Variants in SRSF4 observed in about 807,000 individuals in gnomAD.
SRSF4 encodes the protein serine and arginine rich splicing factor 4.
A neutral mutation model predicts 48.8 loss-of-function variants in SRSF4; 12 were observed. The observed-to-expected ratio is 0.25, with a 90% CI of 0.16 to 0.40. The LOEUF (loss-of-function observed/expected upper bound fraction) is 0.40. Among genes scored for constraint, SRSF4 ranks in the 10% least tolerant of loss-of-function variants. The pLI is 1.00. For synonymous variants in SRSF4, 248 were observed against 232.5 expected, an observed-to-expected ratio of 1.07 and a Z score of -0.61; for missense variants, 466 against 667.1, an observed-to-expected ratio of 0.70 and a Z score of 3.32.
At chr1:29,167,546 A>G (rs976106407) in intron 1 of SRSF4, among the ~76,000 whole-genome samples, 1 of 152,180 alleles carries the variant, frequency 6.6e-6, no homozygotes, top group Admixed American at 6.5e-5. Context: ...CACCACGCCC[A>G]GCTAATTTTT....
rs1439123139 is a variant in SRSF4, at chr1:29,150,177, G to A, written c.594C>T (p.Ser198=). 2 of 1,613,820 alleles carry A rather than the reference G, an allele frequency of 1.2e-6. No individual in the cohort carries two copies. The highest frequency in any genetic ancestry group is 1.7e-5 in the Admixed American group (1 of 59,984). The change falls in exon 5 of 6, where the codon AGC becomes AGT. Residue 198 remains serine, a synonymous_variant. Transcript: ENST00000373795. ...SRSHSRSRSR[S]RHSRKSRSRS... The stretch of plus-strand genomic sequence containing the variant: ...GGCTTCTGCTCTTACGGGAATGTCT[G>A]CTTCGAGAGCGAGACCTAGGGGGAG...
Position 29,149,238 on chromosome 1 carries a change from T to C in SRSF4, c.669-12A>G. 15 of 1,602,792 alleles carry C rather than the reference T, an allele frequency of 9.4e-6. No homozygotes were observed. The highest frequency in any genetic ancestry group is 1.3e-5 in the Non-Finnish European group (15 of 1,179,378). On this transcript the variant is annotated splice_polypyrimidine_tract_variant and intron_variant, in intron 5 of 5. Coordinates refer to ENST00000373795, the MANE Select transcript of SRSF4 (RefSeq NM_005626.5). The stretch of plus-strand genomic sequence containing the variant: ...AGCGGGAGCCCGACCTGAGGAGACA[T>C]GGGATACTGTTTGTGTCACATGTGA...
chr1:29,160,271 C>T, intron 2 of SRSF4, 104 bp downstream of exon 2: 2 of 1,289,856 alleles, frequency 1.6e-6, no homozygotes, highest in Non-Finnish European at 2.1e-6. Flanking sequence ...TACAAAATAG[C>T]TTAAACATCA....
rs1188865657 is a variant in SRSF4, at chr1:29,167,415, C to T, written c.108-6898G>A. On this transcript the variant is annotated intron_variant, in intron 1 of 5. Transcript: ENST00000373795. ...TTTTTGTTTTTTTGAGATGGAGTCT[C>T]GCTCTGTTGCCCAGGCTGGAGTGCA... Among the ~76,000 whole-genome samples the T allele has an allele frequency of 2.6e-5, 4 of 152,194 alleles. No individual in the cohort carries two copies. The South Asian group carries it at 6.2e-4, about 24-fold the overall frequency.
At chr1:29,181,499 GCCC>G in intron 1 of SRSF4, 144 bp downstream of exon 1, 1 of 616,774 alleles carries the variant, frequency 1.6e-6, no homozygotes, top group South Asian at 2.5e-5. Context: ...GCCTACCCGC[GCCC>G]CCGAGGCGCC....
intron 3 of SRSF4, among the ~76,000 whole-genome samples, chr1:29,157,737 G>C (rs1032474049): frequency 6.6e-6 from 1 of 152,206 alleles, no homozygotes; most frequent in African/African-American, 2.4e-5. Flanking sequence ...TTTGGCTAGA[G>C]ATGACTTGTT....
At chr1:29,170,336 CTACT>C (rs768601086) in intron 1 of SRSF4, 12 of 152,110 alleles carry the variant, frequency 7.9e-5, no homozygotes, top group African/African-American at 1.2e-4. Flanking sequence ...TCTGTTATTC[CTACT>C]TAAAGAAATA....
At position 29,178,639 on chromosome 1, in the gene SRSF4, C is replaced by T. The variant is rs117349983; in HGVS notation, c.107+3007G>A. ...CCAAAGTGCTGGGATTACAGGCCAC[C>T]GCGCCCGGCCTCTGAGTTTCAATTA... On this transcript the variant is annotated intron_variant, in intron 1 of 5. Coordinates refer to ENST00000373795, the MANE Select transcript of SRSF4 (RefSeq NM_005626.5). Among the ~76,000 whole-genome samples the T allele has an allele frequency of 6.5e-3, 989 of 152,206 alleles. 22 individuals are homozygous for T. Among genetic ancestry groups the T allele is most frequent in the Admixed American group, 0.045 (691 of 15,280 alleles).
chr1:29,148,469 A>G lies in SRSF4; in HGVS notation c.1426T>C (p.Ser476Pro), dbSNP rs1172140176. The G allele has an allele frequency of 6.2e-7, 1 of 1,613,632 alleles. No homozygotes were observed. The highest frequency in any genetic ancestry group is 8.5e-7 in the Non-Finnish European group (1 of 1,179,752). ...GAGGGCGATCTGGAAGCAGACCTGG[A>G]TCTAGACTTGGACCGAGATCGGGTT... ...SKTRSRSKSRSRSASRSPSRS... is the reference protein window; with the variant it reads ...SKTRSRSKSRPRSASRSPSRS... The change falls in exon 6 of 6, where the codon TCC (serine) becomes CCC (proline). Residue 476 changes from serine to proline, a missense_variant. Physicochemically the swap from Ser to Pro is moderately conservative, Grantham distance 74. This residue lies in a region of SRSF4 where 402 missense variants were observed against 437.0 expected (regional missense o/e 0.92). Transcript: ENST00000373795.
chr1:29,164,063 C>A (rs1379247918), intron 1 of SRSF4, among the ~76,000 whole-genome samples: 1 of 152,220 alleles, frequency 6.6e-6, no homozygotes, highest in Non-Finnish European at 1.5e-5. Flanking sequence ...GTTATCCAGG[C>A]TGGACTTGAA....
chr1:29,150,269 T>TA, intron 4 of SRSF4, 77 bp from the exon 5 acceptor site: 9 of 694,884 alleles, frequency 1.3e-5, no homozygotes, highest in East Asian at 4.0e-5. Context: ...ATATATATTA[T>TA]ATATATATAT....
At chr1:29,179,117 G>C (rs1672915162) in intron 1 of SRSF4, among the ~76,000 whole-genome samples, 1 of 152,060 alleles carries the variant, frequency 6.6e-6, no homozygotes, top group South Asian at 2.1e-4. Flanking sequence ...CTTTTGGGTT[G>C]CTCACTTCTT....
chr1:29,181,858 C>G lies in SRSF4; in HGVS notation c.-106G>C. On this transcript the variant is annotated 5_prime_UTR_variant, in exon 1 of 6. Transcript: ENST00000373795. ...GGCGGCGGCGGCAACGGGCGGGCGG[C>G]GGGACGGACGCAGCCGAACCCCGGC... 1 of 925,838 alleles carries G rather than the reference C, an allele frequency of 1.1e-6. No homozygotes were observed. The highest frequency in any genetic ancestry group is 1.5e-6 in the Non-Finnish European group (1 of 683,386). 57.4% of individuals were successfully genotyped at this position (925,838 alleles called of 1,614,324 possible). A position where few individuals can be genotyped will look rare whatever the true frequency, so the allele number is the denominator to read the frequency against.
intron 1 of SRSF4, among the ~76,000 whole-genome samples, chr1:29,176,545 A>T (rs116576341): frequency 0.027 from 4,049 of 152,170 alleles, 161 homozygotes; most frequent in African/African-American, 0.093. Flanking sequence ...GAAACCAGCA[A>T]CCTGGAACAT....
intron 1 of SRSF4, among the ~76,000 whole-genome samples, chr1:29,179,670 A>C (rs1672925187): frequency 6.6e-6 from 1 of 152,188 alleles, no homozygotes; most frequent in Admixed American, 6.5e-5. Context: ...CCAGAAACCT[A>C]AATTTCTTCA....
chr1:29,173,939 A>G (rs1672793160), intron 1 of SRSF4, among the ~76,000 whole-genome samples: 1 of 151,756 alleles, frequency 6.6e-6, no homozygotes, highest in Admixed American at 6.6e-5. Context: ...CTGTAATCCC[A>G]GCACTTTGGG....
intron 1 of SRSF4, chr1:29,171,260 T>C (rs1319424865): frequency 6.6e-6 from 1 of 151,628 alleles, no homozygotes; most frequent in African/African-American, 2.4e-5. Context: ...TGGCAGTAAC[T>C]TGTCAGCTTG....
Position 29,148,161 on chromosome 1 carries a change from T to C in SRSF4, c.*249A>G, listed in dbSNP as rs374185163. 74 of 642,242 alleles carry C rather than the reference T, an allele frequency of 1.2e-4. No homozygotes were observed. The highest frequency in any genetic ancestry group is 7.5e-4 in the South Asian group (50 of 66,302). The allele number at this position is 642,242 out of a possible 1,614,324, so 39.8% of individuals were successfully genotyped here. ...GGCCAGGCCTGAAAGCCAAGGCGTT[T>C]TGGATATTCTACTGTGGGCCATGAG... On this transcript the variant is annotated 3_prime_UTR_variant, in exon 6 of 6. Coordinates refer to ENST00000373795, the MANE Select transcript of SRSF4 (RefSeq NM_005626.5).
intron 3 of SRSF4, among the ~76,000 whole-genome samples, chr1:29,158,042 T>G (rs1268671121): frequency 6.6e-6 from 1 of 152,058 alleles, no homozygotes; most frequent in Admixed American, 6.6e-5. Context: ...CATGGTGGCA[T>G]GCACTTGTAA....
Sources: allele counts gnomAD v4.1 joint callset (sites outside exome capture counted in the v4.1 genomes callset), GRCh38; gene constraint gnomAD v4.1.1; regional missense constraint gnomAD v4.1.1; transcripts MANE v1.5; gene names NCBI Gene and HGNC (gene_info 2026-07-23, HGNC 2026-07-21).